The following M6PR variants were observed in gnomAD, a reference collection of about 807,000 sequenced individuals.
M6PR encodes the protein cation-dependent mannose-6-phosphate receptor.
In M6PR, 19 loss-of-function variants were observed where a neutral mutation model predicts 33.1. The ratio of observed to expected loss-of-function variants is 0.57; its 90% CI spans 0.40 to 0.84. M6PR has a LOEUF of 0.84. Ranked by LOEUF, M6PR falls within the 40% of genes least tolerant of loss-of-function variation. The probability of loss-of-function intolerance (pLI) is 0.00; values close to 1 mark genes in which losing one functional copy is unlikely to be tolerated. For missense variants in M6PR, 295 were observed against 336.0 expected (o/e 0.88, Z 0.95); for synonymous variants, 111 against 123.4 (o/e 0.90, Z 0.67).
At chr12:8,942,123 A>G in intron 6 of M6PR, 183 bp from the exon 7 acceptor site, 1 of 739,172 alleles carries the variant, frequency 1.4e-6, no homozygotes, top group Non-Finnish European at 2.2e-6. Context: ...GTTTCTTCTT[A>G]TTAGGCCTCA....
intron 1 of M6PR, among the ~76,000 whole-genome samples, chr12:8,947,241 G>A (rs569460063): frequency 1.3e-5 from 2 of 151,994 alleles, no homozygotes; most frequent in Non-Finnish European, 2.9e-5. Context: ...TTTTTCATGC[G>A]GGTCCACTTA....
At chr12:8,945,891 T>C (rs375651446) in intron 2 of M6PR, among the ~76,000 whole-genome samples, 3 of 152,340 alleles carry the variant, frequency 2.0e-5, no homozygotes, top group East Asian at 3.9e-4. Flanking sequence ...TCGGATAGTC[T>C]CGTTTCTTAG....
At chr12:8,942,951 ATTTT>A (rs139521214) in intron 5 of M6PR, among the ~76,000 whole-genome samples, 314 of 142,786 alleles carry the variant, frequency 2.2e-3, no homozygotes, top group Middle Eastern at 3.5e-3. Flanking sequence ...TGCAGTCAGA[ATTTT>A]TTTTTTTTTT....
At position 8,943,526 on chromosome 12, in the gene M6PR, TAA is replaced by T. The variant is rs1946054854; in HGVS notation, c.461_462del (p.Phe154Ter). On this transcript the variant is annotated frameshift_variant, in exon 5 of 7. Coordinates refer to ENST00000000412, the MANE Select transcript of M6PR (RefSeq NM_002355.4). LOFTEE classifies it high-confidence loss of function. ...TTGCCACGCTCCTCAGACACAGGGTTAAAATTGTCCTGATGATGAGATGGCAT... is the reference window on the plus strand; with the variant it reads ...TTGCCACGCTCCTCAGACACAGGGTTAATTGTCCTGATGATGAGATGGCAT... ...SCNRHTLADN[F>X]NPVSEERGKV... is the part of the protein sequence containing the mutation. The T allele has an allele frequency of 5.6e-6, 9 of 1,613,768 alleles. No individual in the cohort carries two copies. Among genetic ancestry groups the T allele is most frequent in the Non-Finnish European group, 7.6e-6 (9 of 1,179,626 alleles).
chr12:8,947,350 G>A (rs866421663), intron 1 of M6PR, among the ~76,000 whole-genome samples: 4 of 152,088 alleles, frequency 2.6e-5, no homozygotes, highest in African/African-American at 7.2e-5. Context: ...AACCTTGGCC[G>A]TGAATGCACT....
intron 1 of M6PR, among the ~76,000 whole-genome samples, chr12:8,948,335 T>C (rs1358626733): frequency 1.3e-5 from 2 of 152,180 alleles, no homozygotes; most frequent in African/African-American, 4.8e-5. Flanking sequence ...ACCCAGAAAA[T>C]AGGTATAATT....
At chr12:8,948,014 A>C (rs1946124577) in intron 1 of M6PR, among the ~76,000 whole-genome samples, 1 of 152,214 alleles carries the variant, frequency 6.6e-6, no homozygotes, top group Non-Finnish European at 1.5e-5. Context: ...TCCTTCTTCT[A>C]GACTGACTTA....
At chr12:8,943,712 C>T (rs1465957524) in intron 4 of M6PR, 89 bp downstream of exon 4, 13 of 1,343,152 alleles carry the variant, frequency 9.7e-6, no homozygotes, top group Admixed American at 5.2e-5. Flanking sequence ...TCCATCCCAA[C>T]GTATCGTGTC....
intron 3 of M6PR, among the ~76,000 whole-genome samples, chr12:8,944,466 C>T (rs959591747): frequency 6.6e-6 from 1 of 152,222 alleles, no homozygotes; most frequent in Admixed American, 6.5e-5. Context: ...AAAGGTGATA[C>T]GACTTTCCAG....
At chr12:8,942,273 C>A (rs1946025297) in intron 6 of M6PR, 143 bp downstream of exon 6, 1 of 1,111,474 alleles carries the variant, frequency 9.0e-7, no homozygotes. Context: ...ACTAGGGCAA[C>A]TGTCTTGTTT....
intron 1 of M6PR, 65 bp from the exon 2 acceptor site, chr12:8,946,470 C>T (rs879059014): frequency 2.2e-5 from 28 of 1,248,302 alleles, no homozygotes; most frequent in Middle Eastern, 1.9e-4. Flanking sequence ...AGAGATAAAG[C>T]GTATGAATGT....
intron 3 of M6PR, among the ~76,000 whole-genome samples, chr12:8,944,600 G>T (rs958286127): frequency 5.3e-5 from 8 of 152,230 alleles, no homozygotes; most frequent in Non-Finnish European, 1.2e-4. Flanking sequence ...TTATTTATCT[G>T]TATGGGAGGG....
At chr12:8,948,878 G>T (rs1014388610) in intron 1 of M6PR, among the ~76,000 whole-genome samples, 1 of 152,098 alleles carries the variant, frequency 6.6e-6, no homozygotes, top group Non-Finnish European at 1.5e-5. Context: ...TTTTTCTCCA[G>T]CAGCCTACAT....
chr12:8,941,845 T>G lies in M6PR; in HGVS notation c.807A>C (p.Glu269Asp). The G allele has an allele frequency of 6.2e-7, 1 of 1,614,130 alleles. No individual in the cohort carries two copies. Among genetic ancestry groups the G allele is most frequent in the South Asian group, 1.1e-5 (1 of 91,078 alleles). The change falls in exon 7 of 7, where the codon GAA (glutamate) becomes GAC (aspartate). Residue 269 changes from glutamate to aspartate, a missense_variant. Glu to Asp is a conservative substitution (Grantham distance 45). Transcript: ENST00000000412. Reference sequence around the variant, plus strand: ...ACATTGGTAATAAATGGTCATCCCTTTCTTCTGACTCCTCCCCCAGCTGGT... The same window carrying G: ...ACATTGGTAATAAATGGTCATCCCTGTCTTCTGACTCCTCCCCCAGCTGGT... Reference protein sequence around the residue: ...GDDQLGEESEERDDHLLPM With the variant: ...GDDQLGEESEDRDDHLLPM
intron 5 of M6PR, 158 bp downstream of exon 5, chr12:8,943,247 T>G (rs1163687387): frequency 3.2e-6 from 3 of 939,988 alleles, no homozygotes; most frequent in Non-Finnish European, 4.7e-6. Flanking sequence ...CCCTGTGTCC[T>G]GGCAGAATTA....
At chr12:8,945,786 A>G in intron 2 of M6PR, among the ~76,000 whole-genome samples, 1 of 152,230 alleles carries the variant, frequency 6.6e-6, no homozygotes, top group Non-Finnish European at 1.5e-5. Context: ...ATGAATTATT[A>G]AAACACACTT....
chr12:8,943,691 G>C (rs1223547521), intron 4 of M6PR, 110 bp downstream of exon 4: 6 of 1,321,096 alleles, frequency 4.5e-6, no homozygotes, highest in African/African-American at 1.5e-5. Context: ...TGAGCTCCTA[G>C]TTTTCTAATG....
intron 1 of M6PR, among the ~76,000 whole-genome samples, chr12:8,948,594 C>G (rs961529185): frequency 6.6e-6 from 1 of 152,150 alleles, no homozygotes; most frequent in Non-Finnish European, 1.5e-5. Flanking sequence ...AAGAGTTTGT[C>G]TATATACTTT....
At position 8,941,901 on chromosome 12, in the gene M6PR, C is replaced by A. The variant is rs143820587; in HGVS notation, c.751G>T (p.Val251Leu). Residue 251 changes from valine (V) to leucine (L), a missense_variant, in exon 7 of 7, where the codon GTG (valine) becomes TTG (leucine). Coordinates refer to ENST00000000412, the MANE Select transcript of M6PR (RefSeq NM_002355.4). ...CCCACACCACGATATGCTGCAGGCA[C>A]ATTTCGAGGTTTAGAACGGCAGACA... ...DFVCRSKPRN[V>L]PAAYRGVGDD... 1.6e-5 allele frequency: 26 copies of A among 1,614,108 alleles called. No individual in the cohort carries two copies. In the African/African-American group the frequency reaches 3.5e-4, roughly 22 times the overall value.
Sources: gnomAD v4.1 joint callset for allele counts (sites outside exome capture counted in the v4.1 genomes callset) on GRCh38, gnomAD v4.1.1 for gene constraint, MANE v1.5 for transcripts, NCBI Gene and HGNC (gene_info 2026-07-23, HGNC 2026-07-21) for gene names.